The following XPO1 variants were observed in gnomAD, a reference collection of about 807,000 sequenced individuals.
The protein encoded by XPO1 is exportin 1, also known as exportin-1.
XPO1 carries 5 observed loss-of-function variants against 133.3 expected under a neutral mutation model. That is an observed-to-expected ratio of 0.04 (90% confidence interval 0.02 to 0.08). XPO1 has a LOEUF of 0.08. Among genes scored for constraint, XPO1 ranks in the 10% least tolerant of loss-of-function variants. XPO1 has a pLI of 1.00. For synonymous variants in XPO1, 419 were observed against 408.2 expected, an observed-to-expected ratio of 1.03 and a Z score of -0.32; for missense variants, 506 against 1,267.5, an observed-to-expected ratio of 0.40 and a Z score of 9.12.
intron 19 of XPO1, 62 bp downstream of exon 19, chr2:61,488,103 A>T: frequency 7.1e-7 from 1 of 1,407,592 alleles, no homozygotes; most frequent in Non-Finnish European, 1.0e-6. Context: ...AATAGAGTAT[A>T]GCATATTCCA....
chr2:61,519,135 G>T (rs11884544), intron 4 of XPO1, among the ~76,000 whole-genome samples: 3 of 152,104 alleles, frequency 2.0e-5, no homozygotes, highest in Admixed American at 2.0e-4. Context: ...ATTTTTAGTA[G>T]AGATAGGGTT....
intron 2 of XPO1, among the ~76,000 whole-genome samples, chr2:61,533,000 G>A (rs1223791406): frequency 2.0e-5 from 3 of 151,836 alleles, no homozygotes; most frequent in African/African-American, 4.8e-5. Context: ...CCAACACGGT[G>A]AAACCCCATC....
At chr2:61,500,080 G>A (rs6718887) in intron 6 of XPO1, among the ~76,000 whole-genome samples, 186 bp from the exon 7 acceptor site, 89,838 of 151,992 alleles carry the variant, frequency 0.59, 26,621 homozygotes, top group Middle Eastern at 0.68. Context: ...AAAACACAAA[G>A]TCTTTTATCT....
intron 4 of XPO1, among the ~76,000 whole-genome samples, chr2:61,503,347 A>G (rs889787612): frequency 1.3e-5 from 2 of 149,660 alleles, no homozygotes; most frequent in African/African-American, 4.9e-5. Context: ...CTCCGCCTCC[A>G]CCTCCTGGGT....
At chr2:61,479,050 AGAG>A in intron 24 of XPO1, 84 bp from the exon 25 acceptor site, 1 of 1,474,644 alleles carries the variant, frequency 6.8e-7, no homozygotes, top group Non-Finnish European at 9.2e-7. Context: ...TTTCCTTTTT[AGAG>A]AAGGAAGGAA....
At chr2:61,522,077 T>C (rs1202208261) in intron 4 of XPO1, among the ~76,000 whole-genome samples, 1 of 151,416 alleles carries the variant, frequency 6.6e-6, no homozygotes, top group Non-Finnish European at 1.5e-5. Context: ...TTTATATATA[T>C]GTTTTTTTGG....
At chr2:61,490,527 TA>T in intron 17 of XPO1, 114 bp downstream of exon 17, 2 of 1,423,838 alleles carry the variant, frequency 1.4e-6, no homozygotes, top group Non-Finnish European at 1.9e-6. Context: ...AAGACACACA[TA>T]AAAGCACTTA....
chr2:61,498,735 G>A lies in XPO1; in HGVS notation c.697C>T (p.Leu233=), dbSNP rs1697361522. ...ATATATCCCAGGGGAATCCAGTTCA[G>A]AAATCTGAGCAATGTTTCCAAGGTT... ...HATLETLLRF[L]NWIPLGYIFE... is the part of the protein sequence containing the mutation. The change falls in exon 9 of 25, where the codon CTG becomes TTG. Residue 233 remains leucine, a synonymous_variant. Transcript: ENST00000401558. 2 of 1,614,050 alleles carry A rather than the reference G, an allele frequency of 1.2e-6. No individual in the cohort carries two copies. The highest frequency in any genetic ancestry group is 2.2e-5 in the East Asian group (1 of 44,842).
At chr2:61,525,899 A>G in intron 3 of XPO1, 6 of 1,047,682 alleles carry the variant, frequency 5.7e-6, no homozygotes, top group Non-Finnish European at 6.9e-6. Flanking sequence ...ATCAAGCCTA[A>G]AACAGACAAA....
chr2:61,531,773 T>C (rs1699162511), intron 2 of XPO1, among the ~76,000 whole-genome samples: 1 of 152,228 alleles, frequency 6.6e-6, no homozygotes, highest in South Asian at 2.1e-4. Flanking sequence ...AAGCTTCATG[T>C]TGAATGTATA....
At chr2:61,514,420 G>A (rs543523590) in intron 4 of XPO1, among the ~76,000 whole-genome samples, 32 of 151,224 alleles carry the variant, frequency 2.1e-4, no homozygotes, top group African/African-American at 7.0e-4. Context: ...GTGAAAGCTC[G>A]TCTCTACTAA....
At chr2:61,535,062 T>C (rs931992779) in intron 1 of XPO1, among the ~76,000 whole-genome samples, 1 of 152,232 alleles carries the variant, frequency 6.6e-6, no homozygotes, top group Non-Finnish European at 1.5e-5. Flanking sequence ...TTCGCCTAAA[T>C]ATGCACTGGT....
chr2:61,515,037 C>T (rs1698297062), intron 4 of XPO1, among the ~76,000 whole-genome samples: 1 of 147,472 alleles, frequency 6.8e-6, no homozygotes, highest in African/African-American at 2.5e-5. Context: ...ACACTGCACT[C>T]CAGCCTGGGC....
At position 61,492,558 on chromosome 2, in the gene XPO1, C is replaced by T. The variant is rs1006154014; in HGVS notation, c.1566+9G>A. On this transcript the variant is annotated intron_variant, in intron 14 of 24. Transcript: ENST00000401558. The surrounding 1 kb of genome is among the most constrained non-coding windows in gnomAD (Gnocchi z 5.6). ...TAGCAATTCTAATTCATACCTATCCCTTGCATACCTTTATAACAGTAACAA... is the reference window on the plus strand; with the variant it reads ...TAGCAATTCTAATTCATACCTATCCTTTGCATACCTTTATAACAGTAACAA... 3 of 1,606,604 alleles carry T rather than the reference C, an allele frequency of 1.9e-6. No individual in the cohort carries two copies. In the African/African-American group the frequency reaches 4.0e-5, roughly 22 times the overall value.
intron 2 of XPO1, among the ~76,000 whole-genome samples, chr2:61,533,066 C>T (rs558344050): frequency 6.6e-6 from 1 of 152,000 alleles, no homozygotes; most frequent in Non-Finnish European, 1.5e-5. Context: ...GTAATCCCAG[C>T]TACCAGGGAG....
chr2:61,483,663 T>C, intron 21 of XPO1: 1 of 309,548 alleles, frequency 3.2e-6, no homozygotes, highest in Admixed American at 5.2e-5. Context: ...GCTGATTCTA[T>C]ATGAACTTCT....
intron 4 of XPO1, among the ~76,000 whole-genome samples, chr2:61,509,585 C>T (rs1205827236): frequency 6.6e-6 from 1 of 151,596 alleles, no homozygotes; most frequent in African/African-American, 2.4e-5. Context: ...GAGATCATGC[C>T]GTCGCACTCC....
At chr2:61,510,512 T>C (rs1698036623) in intron 4 of XPO1, among the ~76,000 whole-genome samples, 1 of 152,182 alleles carries the variant, frequency 6.6e-6, no homozygotes, top group South Asian at 2.1e-4. Context: ...TTTGATAATG[T>C]TAAGAGAAAT....
chr2:61,527,637 T>C (rs1394466503), intron 2 of XPO1, among the ~76,000 whole-genome samples: 3 of 152,274 alleles, frequency 2.0e-5, no homozygotes, highest in Admixed American at 1.3e-4. Context: ...AAACCACAAA[T>C]CCCAAATACT....
Sources: gnomAD v4.1 joint callset for allele counts (sites outside exome capture counted in the v4.1 genomes callset) on GRCh38, gnomAD v4.1.1 for gene constraint, Gnocchi (gnomAD v3.1) non-coding constraint, MANE v1.5 for transcripts, NCBI Gene and HGNC (gene_info 2026-07-23, HGNC 2026-07-21) for gene names.